Variants in PCDH12 observed in about 807,000 individuals in gnomAD.
The protein encoded by PCDH12 is protocadherin 12.
In PCDH12, 45 loss-of-function variants were observed where a neutral mutation model predicts 70.9. The observed-to-expected ratio is 0.63, with a 90% CI of 0.50 to 0.81. PCDH12 has a LOEUF of 0.81. Among genes scored for constraint, PCDH12 ranks in the 40% least tolerant of loss-of-function variants. PCDH12 has a pLI of 0.00. For missense variants in PCDH12, 1,370 were observed against 1,491.7 expected (o/e 0.92, Z 1.34); for synonymous variants, 567 against 626.0 (o/e 0.91, Z 1.41).
In PCDH12 at chr5:141,955,446, C is replaced by T. The variant is rs145015864; in HGVS notation, c.2406G>A (p.Ala802=). ...AGGGGTCCCAGCCTGCTTCCATCAT[C>T]GCCTCCTTGTCCACATCTTTGTGGG... ...GQSHKDVDKE[A]MMEAGWDPCL... is the part of the protein sequence containing the mutation. Residue 802 remains alanine, a synonymous_variant, in exon 1 of 4, where the codon GCG becomes GCA. Coordinates refer to ENST00000231484, the MANE Select transcript of PCDH12 (RefSeq NM_016580.4). This position sits in a 1 kb window ranked among gnomAD's most constrained non-coding sequence, Gnocchi z 5.5. 164 of 1,614,038 alleles carry T rather than the reference C, an allele frequency of 1.0e-4. No homozygotes were observed. Among genetic ancestry groups the T allele is most frequent in the East Asian group, 1.6e-4 (7 of 44,864 alleles).
intron 1 of PCDH12, among the ~76,000 whole-genome samples, chr5:141,954,158 G>C (rs546461861): frequency 8.5e-4 from 129 of 152,284 alleles, no homozygotes; most frequent in African/African-American, 2.9e-3. Context: ...CGTGTACAAG[G>C]TTGCCCAGCT....
Position 141,945,135 on chromosome 5 carries a change from A to G in PCDH12, c.*246T>C, listed in dbSNP as rs1025087624. ...CTTTGTGCTCCACATATGTTTTGCC[A>G]GGAAACACTTATCTCAGCCACAAAC... On this transcript the variant is annotated 3_prime_UTR_variant, in exon 4 of 4. Transcript: ENST00000231484. 2.9e-5 allele frequency: 16 copies of G among 549,612 alleles called. No individual in the cohort carries two copies. Among genetic ancestry groups the G allele is most frequent in the African/African-American group, 2.5e-4 (13 of 52,844 alleles). 34.0% of individuals were successfully genotyped at this position (549,612 alleles called of 1,614,324 possible). A position where few individuals can be genotyped will look rare whatever the true frequency, so the allele number is the denominator to read the frequency against.
Position 141,956,648 on chromosome 5 carries a change from G to T in PCDH12, c.1204C>A (p.Leu402Met), listed in dbSNP as rs747029579. ...WLSQELGHFR[L>M]KRTNGNTYML... is the part of the protein sequence containing the mutation. The stretch of plus-strand genomic sequence containing the variant: ...TATGTGTTGCCATTAGTTCTTTTCA[G>T]CCTGAAGTGGCCCAGCTCTTGGCTC... Residue 402 changes from leucine (L) to methionine (M), a missense_variant, in exon 1 of 4, where the codon CTG (leucine) becomes ATG (methionine). Coordinates refer to ENST00000231484, the MANE Select transcript of PCDH12 (RefSeq NM_016580.4). 6.2e-7 allele frequency: 1 copy of T among 1,614,190 alleles called. No individual in the cohort carries two copies. Among genetic ancestry groups the T allele is most frequent in the African/African-American group, 1.3e-5 (1 of 75,040 alleles).
In PCDH12 at chr5:141,956,485, T is replaced by G; in HGVS notation, c.1367A>C (p.Asn456Thr). The G allele has an allele frequency of 6.2e-7, 1 of 1,614,228 alleles. No individual in the cohort carries two copies. Among genetic ancestry groups the G allele is most frequent in the Non-Finnish European group, 8.5e-7 (1 of 1,180,046 alleles). Residue 456 changes from asparagine (N) to threonine (T), a missense_variant, in exon 1 of 4, where the codon AAT becomes ACT. By Grantham distance (65) the Asn-to-Thr change is moderately conservative. Transcript: ENST00000231484. ...CCTGCTTTTCTCAAACACAGGTGCA[T>G]TGTCGTTGATGTCACTGATCTGAAT... The part of the protein sequence containing the change: ...LSIQISDIND[N>T]APVFEKSRYE...
At chr5:141,949,617 A>G in intron 2 of PCDH12, 34 bp from the exon 3 acceptor site, 1 of 1,603,744 alleles carries the variant, frequency 6.2e-7, no homozygotes. Flanking sequence ...ATGGGTAGGG[A>G]CATTCCCATA....
At position 141,955,128 on chromosome 5, in the gene PCDH12, T is replaced by C; in HGVS notation, c.2724A>G (p.Ala908=). 1 of 1,614,228 alleles carries C rather than the reference T, an allele frequency of 6.2e-7. No homozygotes were observed. Among genetic ancestry groups the C allele is most frequent in the South Asian group, 1.1e-5 (1 of 91,080 alleles). ...TGAGATGTCGCTGCCGTCTCAGGGT[T>C]GCAGAGGAGGCTGGTGGCCTCTGTG... is the stretch of plus-strand genomic sequence containing the variant. ...EAPQRPPASS[A]TLRRQRHLNG... is the part of the protein sequence containing the mutation. The change falls in exon 1 of 4, where the codon GCA becomes GCG. Residue 908 remains alanine (A), a synonymous_variant. Transcript: ENST00000231484. This position sits in a 1 kb window ranked among gnomAD's most constrained non-coding sequence, Gnocchi z 5.5.
chr5:141,956,866 G>C lies in PCDH12; in HGVS notation c.986C>G (p.Pro329Arg). 1 of 1,614,192 alleles carries C rather than the reference G, an allele frequency of 6.2e-7. No homozygotes were observed. The highest frequency in any genetic ancestry group is 1.6e-4 in the Middle Eastern group (1 of 6,062). The change falls in exon 1 of 4, where the codon CCC (proline) becomes CGC (arginine). Residue 329 changes from proline (P) to arginine (R), a missense_variant. Physicochemically the swap from Pro to Arg is moderately radical, Grantham distance 103. Transcript: ENST00000231484. The part of the protein sequence containing the change: ...EVDVQARDLG[P>R]NPIPAHCKVL... ...TTTGCAATGGGCTGGGATAGGATTG[G>C]GACCCAGGTCCCTTGCCTGAACATC...
intron 1 of PCDH12, among the ~76,000 whole-genome samples, chr5:141,954,367 G>A (rs142756093): frequency 0.01 from 1,577 of 152,326 alleles, 14 homozygotes; most frequent in Non-Finnish European, 0.014. Flanking sequence ...ATGAAGGCAG[G>A]CAAATAGTGG....
chr5:141,948,490 G>A (rs141049115), intron 3 of PCDH12, among the ~76,000 whole-genome samples: 147 of 152,244 alleles, frequency 9.7e-4, no homozygotes, highest in African/African-American at 3.1e-3. Context: ...GCAGGGGCGG[G>A]GGGCGCTAGC....
In PCDH12 at chr5:141,956,166, G is replaced by A. The variant is rs766453256; in HGVS notation, c.1686C>T (p.Ala562=). 4 of 1,614,142 alleles carry A rather than the reference G, an allele frequency of 2.5e-6. No homozygotes were observed. The South Asian group carries it at 4.4e-5, about 18-fold the overall frequency. ...TGAGCACAGGCTGGACCACCTCTGG[G>A]GCATTATCATTGGCATCCAAGAGGC... ...WVSLLDANDN[A]PEVVQPVLSD... Residue 562 remains alanine, a synonymous_variant, in exon 1 of 4, where the codon GCC becomes GCT. Transcript: ENST00000231484.
In PCDH12 at chr5:141,956,902, G is replaced by A. The variant is rs1320683738; in HGVS notation, c.950C>T (p.Ala317Val). The change falls in exon 1 of 4, where the codon GCC becomes GTC. Residue 317 changes from alanine to valine, a missense_variant. Physicochemically the swap from Ala to Val is moderately conservative, Grantham distance 64. Coordinates refer to ENST00000231484, the MANE Select transcript of PCDH12 (RefSeq NM_016580.4). ...CCTTGCCTGAACATCCACCTCGTAGGCAGGGTTCTTTTCATAGTCTAGAGG... is the reference window on the plus strand; with the variant it reads ...CCTTGCCTGAACATCCACCTCGTAGACAGGGTTCTTTTCATAGTCTAGAGG... ...RRPLDYEKNP[A>V]YEVDVQARDL... 4 of 1,614,044 alleles carry A rather than the reference G, an allele frequency of 2.5e-6. No homozygotes were observed. The highest frequency in any genetic ancestry group is 2.2e-5 in the East Asian group (1 of 44,894).
chr5:141,957,223 A>G lies in PCDH12; in HGVS notation c.629T>C (p.Phe210Ser), dbSNP rs1230946276. The stretch of plus-strand genomic sequence containing the variant: ...GTCATAGGCAGTTAACACCAGATCA[A>G]AAAATGAATGGATTTCCCTGTCCAG... Reference protein sequence around the residue: ...KELDREIHSFFDLVLTAYDNG... With the variant: ...KELDREIHSFSDLVLTAYDNG... The change falls in exon 1 of 4, where the codon TTT (phenylalanine) becomes TCT (serine). Residue 210 changes from phenylalanine to serine, a missense_variant. Coordinates refer to ENST00000231484, the MANE Select transcript of PCDH12 (RefSeq NM_016580.4). This position sits in a 1 kb window ranked among gnomAD's most constrained non-coding sequence, Gnocchi z 4.3. The G allele has an allele frequency of 6.2e-7, 1 of 1,614,206 alleles. No individual in the cohort carries two copies.
At position 141,945,406 on chromosome 5, in the gene PCDH12, C is replaced by G. The variant is rs759016922; in HGVS notation, c.3530G>C (p.Ser1177Thr). 1.9e-6 allele frequency: 3 copies of G among 1,613,020 alleles called. No homozygotes were observed. Among genetic ancestry groups the G allele is most frequent in the Non-Finnish European group, 2.5e-6 (3 of 1,179,556 alleles). ...TCACAGGCACCTGCTGCTGCTGCTG[C>G]TGCCTCTGCTCTTGCCCTCAGTCCC... Reference protein sequence around the residue: ...KTGTEGKSRGSSSSSRCL With the variant: ...KTGTEGKSRGTSSSSRCL Residue 1177 changes from serine (S) to threonine (T), a missense_variant, in exon 4 of 4, where the codon AGC becomes ACC. Coordinates refer to ENST00000231484, the MANE Select transcript of PCDH12 (RefSeq NM_016580.4).
chr5:141,945,861 G>C (rs1752908148), intron 3 of PCDH12, 56 bp from the exon 4 acceptor site: 2 of 1,533,178 alleles, frequency 1.3e-6, no homozygotes, highest in Admixed American at 3.5e-5. Context: ...GGCCAGGCGG[G>C]TGAGGGTGGG....
At position 141,945,015 on chromosome 5, in the gene PCDH12, C is replaced by A; in HGVS notation, c.*366G>T. 1 of 243,684 alleles carries A rather than the reference C, an allele frequency of 4.1e-6. No homozygotes were observed. 15.1% of individuals were successfully genotyped at this position (243,684 alleles called of 1,614,324 possible). The stretch of plus-strand genomic sequence containing the variant: ...TAGGTCAGAGAGCATTTCCTGGCAC[C>A]CCCAGGGTACAGCCCCCTGACTCCT... On this transcript the variant is annotated 3_prime_UTR_variant, in exon 4 of 4. Coordinates refer to ENST00000231484, the MANE Select transcript of PCDH12 (RefSeq NM_016580.4).
chr5:141,945,978 TC>T (rs534861501), intron 3 of PCDH12, among the ~76,000 whole-genome samples, 173 bp from the exon 4 acceptor site: 67 of 152,016 alleles, frequency 4.4e-4, no homozygotes, highest in African/African-American at 1.5e-3. Flanking sequence ...ACAGGGAAGC[TC>T]CCTGGGTAGG....
chr5:141,949,937 T>TTGCCTGGC (rs1753043492), intron 2 of PCDH12, among the ~76,000 whole-genome samples: 1 of 152,172 alleles, frequency 6.6e-6, no homozygotes, highest in East Asian at 1.9e-4. Context: ...TGTCTAGGTA[T>TTGCCTGGC]TGCCTGGCAC....
rs534666394 is a variant in PCDH12 at position 141,945,672 on chromosome 5, C to T, written c.3264G>A (p.Gln1088=). Residue 1088 remains glutamine (Q), a synonymous_variant, in exon 4 of 4, where the codon CAG becomes CAA. Transcript: ENST00000231484. Reference sequence around the variant, plus strand: ...CTGGTGCCTCTGCCTTGCCGAACGTCTGGAAGGTCCTTGGCTCCTCCGTGG... The same window carrying T: ...CTGGTGCCTCTGCCTTGCCGAACGTTTGGAAGGTCCTTGGCTCCTCCGTGG... ...AAATEEPRTF[Q]TFGKAEAPEL... 6 of 1,614,228 alleles carry T rather than the reference C, an allele frequency of 3.7e-6. No individual in the cohort carries two copies. In the African/African-American group the frequency reaches 4.0e-5, roughly 11 times the overall value.
chr5:141,949,337 G>T, intron 3 of PCDH12, 95 bp downstream of exon 3: 2 of 1,492,458 alleles, frequency 1.3e-6, no homozygotes, highest in Non-Finnish European at 1.8e-6. Context: ...CACAGAAACA[G>T]AATGGCTTTT....
Sources: allele counts gnomAD v4.1 joint callset (sites outside exome capture counted in the v4.1 genomes callset), GRCh38; gene constraint gnomAD v4.1.1; non-coding constraint Gnocchi (gnomAD v3.1); transcripts MANE v1.5; gene names NCBI Gene and HGNC (gene_info 2026-07-23, HGNC 2026-07-21).